AGXT: variants seen among roughly 807,000 people sequenced by gnomAD.
AGXT encodes the protein alanine--glyoxylate aminotransferase, also known as L-alanine: glyoxylate aminotransferase 1.
In AGXT, 41 loss-of-function variants were observed where a neutral mutation model predicts 46.9. That is an observed-to-expected ratio of 0.88 (90% CI 0.68 to 1.14). The LOEUF is 1.14. AGXT is among the 50% of genes most tolerant of loss of function. AGXT has a pLI of 0.00. For missense variants in AGXT, 525 were observed against 522.7 expected (o/e 1.00, Z -0.04); for synonymous variants, 244 against 227.9 (o/e 1.07, Z -0.64).
intron 4 of AGXT, among the ~76,000 whole-genome samples, chr2:240,872,160 G>A (rs1273723582): frequency 2.0e-5 from 3 of 152,066 alleles, no homozygotes; most frequent in African/African-American, 2.4e-5. Context: ...GAGAGTTTGT[G>A]AACATGGAGG....
In AGXT at chr2:240,870,988, G is replaced by A. The variant is rs118110508; in HGVS notation, c.423+280G>A. Among the ~76,000 whole-genome samples, 629 of 152,236 alleles carry A rather than the reference G, an allele frequency of 4.1e-3. 23 individuals carry two copies. In the East Asian group the frequency reaches 0.072, roughly 18 times the overall value. ...CCAGAGAGGCTGGAGGCAGGAGGCC[G>A]AGTTGGAGTCTAGGCTGCAGAACAT... is the stretch of plus-strand genomic sequence containing the variant. On this transcript the variant is annotated intron_variant, in intron 3 of 10. Transcript: ENST00000307503.
intron 5 of AGXT, chr2:240,873,319 G>A: frequency 2.1e-6 from 1 of 487,430 alleles, no homozygotes; most frequent in Non-Finnish European, 3.7e-6. Flanking sequence ...ATGCCCCAGA[G>A]CTGTAGCAGA....
At chr2:240,875,868 G>A (rs2059021849) in intron 7 of AGXT, 67 bp from the exon 8 acceptor site, 10 of 1,525,192 alleles carry the variant, frequency 6.6e-6, no homozygotes, top group South Asian at 1.1e-5. Flanking sequence ...GGGGCAGACA[G>A]AGCTAATGCC....
At position 240,878,929 on chromosome 2, in the gene AGXT, A is replaced by G; in HGVS notation, c.*108A>G. 8.3e-7 allele frequency: 1 copy of G among 1,201,282 alleles called. No homozygotes were observed. The highest frequency in any genetic ancestry group is 1.3e-5 in the South Asian group (1 of 76,934). The allele number at this position is 1,201,282 out of a possible 1,614,324, so 74.4% of individuals were successfully genotyped here. A position where few individuals can be genotyped will look rare whatever the true frequency, so the allele number is the denominator to read the frequency against. ...AGGTCCTCCAGGCCTGGGGACAGGA[A>G]AGCCACTGACCCAGCCCGGGAGGCA... On this transcript the variant is annotated 3_prime_UTR_variant, in exon 11 of 11. Transcript: ENST00000307503.
chr2:240,872,463 C>CATGCAGCAGGAGGGT (rs2058997486), intron 4 of AGXT, among the ~76,000 whole-genome samples: 7 of 41,046 alleles, frequency 1.7e-4, no homozygotes, highest in African/African-American at 6.3e-4. Flanking sequence ...AGGAGGAGGG[C>CATGCAGCAGGAGGGT]GAGAGTTCGT....
rs933930215 is a variant in AGXT at position 240,873,221 on chromosome 2, T to C, written c.595+172T>C. On this transcript the variant is annotated intron_variant, in intron 5 of 10. Coordinates refer to ENST00000307503, the MANE Select transcript of AGXT (RefSeq NM_000030.3). ...CTGCGGCAAGAGCGGCTCCATGAACTACCCAGCACCCCAGTGTTTCCACTG... is the reference window on the plus strand; with the variant it reads ...CTGCGGCAAGAGCGGCTCCATGAACCACCCAGCACCCCAGTGTTTCCACTG... 5.0e-6 allele frequency: 3 copies of C among 604,714 alleles called. No homozygotes were observed. In the African/African-American group the frequency reaches 5.6e-5, roughly 11 times the overall value. The allele number at this position is 604,714 out of a possible 1,614,324, so 37.5% of individuals were successfully genotyped here.
At chr2:240,870,594 C>T in intron 2 of AGXT, 50 bp from the exon 3 acceptor site, 1 of 1,544,028 alleles carries the variant, frequency 6.5e-7, no homozygotes, top group Non-Finnish European at 8.8e-7. Flanking sequence ...CCAACACTGG[C>T]TTCTACAGTG....
intron 7 of AGXT, 49 bp downstream of exon 7, chr2:240,875,253 G>A (rs745849262): frequency 6.7e-7 from 1 of 1,492,426 alleles, no homozygotes; most frequent in East Asian, 2.3e-5. Flanking sequence ...GCATGGCTGA[G>A]AGGTGGGGCG....
chr2:240,875,391 C>T (rs974005588), intron 7 of AGXT, among the ~76,000 whole-genome samples, 187 bp downstream of exon 7: 4 of 152,216 alleles, frequency 2.6e-5, no homozygotes, highest in East Asian at 1.9e-4. Flanking sequence ...CCCCATTCCT[C>T]GACTGGCCCG....
chr2:240,872,369 G>A (rs866095818), intron 4 of AGXT, among the ~76,000 whole-genome samples: 44 of 138,108 alleles, frequency 3.2e-4, no homozygotes, highest in African/African-American at 4.0e-4. Flanking sequence ...GCGGAGGAGG[G>A]TGAGAGTTCG....
At position 240,871,409 on chromosome 2, in the gene AGXT, G is replaced by T. The variant is rs147497484; in HGVS notation, c.484G>T (p.Val162Leu). ...AACCCACGGGGAGTCGTCCACCGGCGTGCTGCAGCCCCTTGATGGCTTCGG... is the reference window on the plus strand; with the variant it reads ...AACCCACGGGGAGTCGTCCACCGGCTTGCTGCAGCCCCTTGATGGCTTCGG... ...FLTHGESSTG[V>L]LQPLDGFGEL... Residue 162 changes from valine to leucine, a missense_variant, in exon 4 of 11, where the codon GTG becomes TTG. By Grantham distance (32) the Val-to-Leu change is conservative. Coordinates refer to ENST00000307503, the MANE Select transcript of AGXT (RefSeq NM_000030.3). 2 of 1,600,332 alleles carry T rather than the reference G, an allele frequency of 1.2e-6. No homozygotes were observed. The highest frequency in any genetic ancestry group is 2.7e-5 in the African/African-American group (2 of 74,830).
chr2:240,874,124 C>T, intron 6 of AGXT, 62 bp downstream of exon 6: 2 of 1,548,308 alleles, frequency 1.3e-6, no homozygotes, highest in South Asian at 2.2e-5. Flanking sequence ...CTCAGGTGGC[C>T]CGAGGCGGGA....
At chr2:240,878,299 A>AT in intron 10 of AGXT, 149 bp downstream of exon 10, 2 of 1,200,936 alleles carry the variant, frequency 1.7e-6, no homozygotes, top group Non-Finnish European at 2.3e-6. Context: ...TCCAAGGGGT[A>AT]TCCAGTAAAG....
At chr2:240,873,805 C>A (rs765472513) in intron 5 of AGXT, among the ~76,000 whole-genome samples, 173 bp from the exon 6 acceptor site, 1 of 152,206 alleles carries the variant, frequency 6.6e-6, no homozygotes, top group Non-Finnish European at 1.5e-5. Context: ...ATGGCTGCCA[C>A]GCAGCAGTGC....
chr2:240,870,901 C>T (rs2058987556), intron 3 of AGXT, among the ~76,000 whole-genome samples, 193 bp downstream of exon 3: 1 of 152,092 alleles, frequency 6.6e-6, no homozygotes. Context: ...GGTGGGAAGA[C>T]TGGTAAGGAG....
At position 240,879,296 on chromosome 2, in the gene AGXT, G is replaced by A. The variant is rs150562123; in HGVS notation, c.*475G>A. The A allele has an allele frequency of 4.4e-4, 97 of 222,526 alleles. 3 individuals are homozygous for A. Among genetic ancestry groups the A allele is most frequent in the African/African-American group, 2.0e-3 (86 of 43,556 alleles). The allele number at this position is 222,526 out of a possible 1,614,324, so 13.8% of individuals were successfully genotyped here. On this transcript the variant is annotated 3_prime_UTR_variant, in exon 11 of 11. Coordinates refer to ENST00000307503, the MANE Select transcript of AGXT (RefSeq NM_000030.3). The stretch of plus-strand genomic sequence containing the variant: ...ATGTCACACCCCCAAACGTCCTCAC[G>A]CACCACATCCAGGTGAACCCACACG...
At chr2:240,874,134 A>AGGGGCGGGT in intron 6 of AGXT, 72 bp downstream of exon 6, 2 of 1,475,018 alleles carry the variant, frequency 1.4e-6, no homozygotes, top group Non-Finnish European at 1.9e-6. Context: ...CCGAGGCGGG[A>AGGGGCGGGT]GGGGCGGGAG....
chr2:240,878,363 C>G (rs1009521035), intron 10 of AGXT, among the ~76,000 whole-genome samples: 1 of 152,216 alleles, frequency 6.6e-6, no homozygotes, highest in African/African-American at 2.4e-5. Context: ...CCAGGTGCAG[C>G]CTTTATGATT....
chr2:240,872,847 G>T, intron 4 of AGXT, 132 bp from the exon 5 acceptor site: 1 of 776,810 alleles, frequency 1.3e-6, no homozygotes, highest in Non-Finnish European at 2.3e-6. Context: ...GCCAACTCCT[G>T]GGGTGGAGGT....
Sources: allele counts gnomAD v4.1 joint callset (sites outside exome capture counted in the v4.1 genomes callset), GRCh38; gene constraint gnomAD v4.1.1; transcripts MANE v1.5; gene names NCBI Gene and HGNC (gene_info 2026-07-23, HGNC 2026-07-21).